The following RANBP3L variants were observed in gnomAD, a reference collection of about 807,000 sequenced individuals.
RANBP3L encodes the protein RAN binding protein 3 like.
Under a neutral mutation model 67.2 loss-of-function variants are expected in RANBP3L, and 56 were observed. That is an observed-to-expected ratio of 0.83 (90% CI 0.67 to 1.04). The LOEUF is 1.04. Ranked by LOEUF, RANBP3L falls within the 50% of genes least tolerant of loss-of-function variation. The pLI, the probability that RANBP3L is intolerant of heterozygous loss-of-function variation, is 0.00. For missense variants in RANBP3L, 496 were observed against 535.5 expected (o/e 0.93, Z 0.73); for synonymous variants, 164 against 181.4 (o/e 0.90, Z 0.77).
At position 36,274,318 on chromosome 5, in the gene RANBP3L, G is replaced by A. The variant is rs141331957; in HGVS notation, c.92-3007C>T. On this transcript the variant is annotated intron_variant, in intron 1 of 13. Transcript: ENST00000296604. ...ACGCAATTATTGAAGTTCAACTGGG[G>A]TAAGCATTATCAAAGGGAAGTACCA... Among the ~76,000 whole-genome samples the A allele has an allele frequency of 3.0e-4, 45 of 152,240 alleles. No homozygotes were observed. In the East Asian group the frequency reaches 8.3e-3, roughly 28 times the overall value.
chr5:36,265,541 ATT>A, intron 4 of RANBP3L, 21 bp from the exon 5 acceptor site: 1 of 1,424,148 alleles, frequency 7.0e-7, no homozygotes. Flanking sequence ...AAATATTTAA[ATT>A]TTTTTAAATA....
intron 11 of RANBP3L, among the ~76,000 whole-genome samples, chr5:36,254,585 G>A (rs1354618220): frequency 6.6e-6 from 1 of 151,982 alleles, no homozygotes; most frequent in African/African-American, 2.4e-5. Flanking sequence ...CTATTACTTG[G>A]TTGGGTGATT....
At chr5:36,299,672 G>T (rs1167090010) in intron 1 of RANBP3L, among the ~76,000 whole-genome samples, 1 of 152,024 alleles carries the variant, frequency 6.6e-6, no homozygotes, top group African/African-American at 2.4e-5. Context: ...TAGTTTAGGT[G>T]CAGTCCAGTG....
At chr5:36,285,522 C>A (rs550048294) in intron 1 of RANBP3L, among the ~76,000 whole-genome samples, 33 of 152,326 alleles carry the variant, frequency 2.2e-4, no homozygotes, top group African/African-American at 6.7e-4. Flanking sequence ...CCTCAAAGTG[C>A]TGTATCATTT....
intron 1 of RANBP3L, among the ~76,000 whole-genome samples, chr5:36,284,201 A>G (rs1751174782): frequency 6.6e-6 from 1 of 152,236 alleles, no homozygotes; most frequent in Non-Finnish European, 1.5e-5. Flanking sequence ...TTTAGTTAGT[A>G]TCAAAAGATA....
Position 36,249,463 on chromosome 5 carries a change from G to A in RANBP3L, c.*191C>T. ...AAGTCCATTTTTTTAAATTCTGTCA[G>A]TTTCTGCACAATAATCAAAATGTAA... On this transcript the variant is annotated 3_prime_UTR_variant, in exon 14 of 14. Coordinates refer to ENST00000296604, the MANE Select transcript of RANBP3L (RefSeq NM_145000.5). The A allele has an allele frequency of 2.8e-6, 1 of 356,760 alleles. No homozygotes were observed. Among genetic ancestry groups the A allele is most frequent in the Non-Finnish European group, 5.1e-6 (1 of 195,294 alleles). 22.1% of individuals were successfully genotyped at this position (356,760 alleles called of 1,614,324 possible).
Position 36,251,443 on chromosome 5 carries a change from T to G in RANBP3L, c.1224A>C (p.Ala408=). 1 of 1,613,018 alleles carries G rather than the reference T, an allele frequency of 6.2e-7. No homozygotes were observed. The highest frequency in any genetic ancestry group is 8.5e-7 in the Non-Finnish European group (1 of 1,179,344). The change falls in exon 13 of 14, where the codon GCA becomes GCC. Residue 408 remains alanine, a synonymous_variant. Transcript: ENST00000296604. ...CTCTCTGCTTATTGAAGCTTTGAAG[T>G]GCAACAAGACGATGATGTATTGCTG... is the stretch of plus-strand genomic sequence containing the variant. ...LYAAIHHRLV[A]LQSFNKQRDV...
At chr5:36,295,315 C>T (rs368915139) in intron 1 of RANBP3L, among the ~76,000 whole-genome samples, 2 of 151,972 alleles carry the variant, frequency 1.3e-5, no homozygotes, top group African/African-American at 4.8e-5. Flanking sequence ...GGGGCTGTTA[C>T]CCCCATGCTG....
At chr5:36,256,380 C>T (rs561670107) in intron 10 of RANBP3L, among the ~76,000 whole-genome samples, 144 of 152,134 alleles carry the variant, frequency 9.5e-4, no homozygotes, top group African/African-American at 3.3e-3. Flanking sequence ...GAAATTTCTG[C>T]CTTGTTGGGA....
In RANBP3L at chr5:36,261,863, A is replaced by G. The variant is rs556771247; in HGVS notation, c.584+76T>C. 55 of 735,896 alleles carry G rather than the reference A, an allele frequency of 7.5e-5. No individual in the cohort carries two copies. In the South Asian group the frequency reaches 1.1e-3, roughly 15 times the overall value. 45.6% of individuals were successfully genotyped at this position (735,896 alleles called of 1,614,324 possible). On this transcript the variant is annotated intron_variant, in intron 7 of 13. Coordinates refer to ENST00000296604, the MANE Select transcript of RANBP3L (RefSeq NM_145000.5). ...TTTATCCGTACAAGGTCAGAAAATTATTTTCCATGAATGGTTATAATAATG... is the reference window on the plus strand; with the variant it reads ...TTTATCCGTACAAGGTCAGAAAATTGTTTTCCATGAATGGTTATAATAATG...
intron 1 of RANBP3L, among the ~76,000 whole-genome samples, chr5:36,294,789 G>GTA (rs1349982189): frequency 2.7e-5 from 4 of 146,892 alleles, no homozygotes; most frequent in African/African-American, 1.0e-4. Context: ...TATGTATAGT[G>GTA]TATATATATA....
chr5:36,272,840 A>G (rs1750319027), intron 1 of RANBP3L, among the ~76,000 whole-genome samples: 1 of 152,010 alleles, frequency 6.6e-6, no homozygotes, highest in South Asian at 2.1e-4. Context: ...ATGGAGTTTC[A>G]CCATGTTGGC....
chr5:36,265,104 A>G lies in RANBP3L; in HGVS notation c.341-6T>C. The stretch of plus-strand genomic sequence containing the variant: ...TTTAGAATGTTTCACAGGACCTTAA[A>G]AGAATAGAATTAAAGGATAAATATA... On this transcript the variant is annotated splice_region_variant and splice_polypyrimidine_tract_variant and intron_variant, in intron 5 of 13. Transcript: ENST00000296604. 1.3e-6 allele frequency: 2 copies of G among 1,561,650 alleles called. No individual in the cohort carries two copies. Among genetic ancestry groups the G allele is most frequent in the Non-Finnish European group, 1.8e-6 (2 of 1,139,866 alleles).
chr5:36,262,608 G>A (rs1749477381), intron 6 of RANBP3L, among the ~76,000 whole-genome samples: 1 of 151,962 alleles, frequency 6.6e-6, no homozygotes, highest in Admixed American at 6.6e-5. Flanking sequence ...GAATTGGAAG[G>A]AACCCTATAC....
At chr5:36,296,799 G>T (rs1298991767) in intron 1 of RANBP3L, among the ~76,000 whole-genome samples, 1 of 152,116 alleles carries the variant, frequency 6.6e-6, no homozygotes, top group South Asian at 2.1e-4. Context: ...CAAGCAGATT[G>T]CCCTTCATTA....
At chr5:36,297,814 C>G (rs1413392139) in intron 1 of RANBP3L, among the ~76,000 whole-genome samples, 4 of 152,128 alleles carry the variant, frequency 2.6e-5, no homozygotes, top group Non-Finnish European at 4.4e-5. Context: ...GACAGAAAAC[C>G]ATGGCTTAGT....
At chr5:36,299,365 G>GTGTGTA (rs1554021667) in intron 1 of RANBP3L, among the ~76,000 whole-genome samples, 5,507 of 148,010 alleles carry the variant, frequency 0.037, 385 homozygotes, top group African/African-American at 0.13. Context: ...GTGTGTGTGT[G>GTGTGTA]TATATATCCT....
At chr5:36,288,265 T>C (rs1250627356) in intron 1 of RANBP3L, among the ~76,000 whole-genome samples, 1 of 152,212 alleles carries the variant, frequency 6.6e-6, no homozygotes, top group Non-Finnish European at 1.5e-5. Context: ...TTTCACTCAA[T>C]AAAACATTTC....
At chr5:36,253,514 A>G in intron 12 of RANBP3L, 133 bp downstream of exon 12, 1 of 667,146 alleles carries the variant, frequency 1.5e-6, no homozygotes, top group Non-Finnish European at 2.6e-6. Flanking sequence ...CTTATGCTAT[A>G]AACAGACATA....
Sources: gnomAD v4.1 joint callset for allele counts (sites outside exome capture counted in the v4.1 genomes callset) on GRCh38, gnomAD v4.1.1 for gene constraint, MANE v1.5 for transcripts, NCBI Gene and HGNC (gene_info 2026-07-23, HGNC 2026-07-21) for gene names.